PREP: variants seen among roughly 807,000 people sequenced by gnomAD.
PREP encodes the protein dJ355L5.1 (prolyl endopeptidase).
Under a neutral mutation model 87.6 loss-of-function variants are expected in PREP, and 29 were observed. The observed-to-expected ratio is 0.33, with a 90% CI of 0.25 to 0.45. The LOEUF is 0.45. PREP is among the 20% of genes least tolerant of loss of function. The pLI, the probability that PREP is intolerant of heterozygous loss-of-function variation, is 1.00. For synonymous variants in PREP, 337 were observed against 328.6 expected (o/e 1.03, Z -0.28); for missense variants, 695 against 886.5 (o/e 0.78, Z 2.74).
At chr6:105,372,371 T>C (rs1269975186) in intron 5 of PREP, among the ~76,000 whole-genome samples, 1 of 152,156 alleles carries the variant, frequency 6.6e-6, no homozygotes, top group East Asian at 1.9e-4. Flanking sequence ...CCCAAGCTCC[T>C]AATCTCTAAC....
chr6:105,277,877 T>G lies in PREP; in HGVS notation c.*267A>C. The G allele has an allele frequency of 2.0e-6, 1 of 498,240 alleles. No homozygotes were observed. The highest frequency in any genetic ancestry group is 3.6e-6 in the Non-Finnish European group (1 of 280,854). The allele number at this position is 498,240 out of a possible 1,614,324, so 30.9% of individuals were successfully genotyped here. On this transcript the variant is annotated 3_prime_UTR_variant, in exon 15 of 15. Coordinates refer to ENST00000652536, the MANE Select transcript of PREP (RefSeq NM_002726.5). ...AATATTCACAATGTGTTTGTTGCCA[T>G]TTAGCTATTTATCCCAACATGCCCT...
intron 6 of PREP, among the ~76,000 whole-genome samples, chr6:105,354,742 G>C (rs977511826): frequency 6.6e-6 from 1 of 152,000 alleles, no homozygotes; most frequent in Non-Finnish European, 1.5e-5. Flanking sequence ...GCAGGGTTAG[G>C]ACTTGCCAAG....
In PREP at chr6:105,293,852, C is replaced by T. The variant is rs919087934; in HGVS notation, c.1318-4958G>A. ...TGGAAGGAATCCATGTAGACATTTTCGAAACAGCCATTCAAAACAGCCTAG... is the reference window on the plus strand; with the variant it reads ...TGGAAGGAATCCATGTAGACATTTTTGAAACAGCCATTCAAAACAGCCTAG... On this transcript the variant is annotated intron_variant, in intron 10 of 14. Coordinates refer to ENST00000652536, the MANE Select transcript of PREP (RefSeq NM_002726.5). Among the ~76,000 whole-genome samples, 16 of 152,282 alleles carry T rather than the reference C, an allele frequency of 1.1e-4. No individual in the cohort carries two copies. The South Asian group carries it at 1.4e-3, about 14-fold the overall frequency.
At chr6:105,379,354 C>T (rs780825369) in intron 2 of PREP, among the ~76,000 whole-genome samples, 1 of 152,110 alleles carries the variant, frequency 6.6e-6, no homozygotes, top group Non-Finnish European at 1.5e-5. Flanking sequence ...CTGCACTTTC[C>T]CTCATTAAAA....
chr6:105,394,068 A>T (rs1340706783), intron 2 of PREP, among the ~76,000 whole-genome samples: 1 of 152,216 alleles, frequency 6.6e-6, no homozygotes, highest in Non-Finnish European at 1.5e-5. Context: ...GATATTGACC[A>T]ACTTTTCTTG....
chr6:105,402,445 C>CAA (rs1773460950), intron 1 of PREP, among the ~76,000 whole-genome samples: 1 of 150,908 alleles, frequency 6.6e-6, no homozygotes, highest in African/African-American at 2.4e-5. Context: ...CACACACACA[C>CAA]ACAAACACAC....
intron 10 of PREP, among the ~76,000 whole-genome samples, chr6:105,299,863 A>G (rs939006594): frequency 6.6e-6 from 1 of 151,476 alleles, no homozygotes; most frequent in Non-Finnish European, 1.5e-5. Context: ...GACAAATATC[A>G]TTCTGCCAGA....
At chr6:105,356,107 CTATT>C (rs374829623) in intron 6 of PREP, among the ~76,000 whole-genome samples, 1 of 151,950 alleles carries the variant, frequency 6.6e-6, no homozygotes, top group East Asian at 1.9e-4. Context: ...TTTTTAATAA[CTATT>C]TATTTTTTAA....
chr6:105,292,922 C>T (rs762714579), intron 10 of PREP, among the ~76,000 whole-genome samples: 3 of 152,188 alleles, frequency 2.0e-5, no homozygotes, highest in South Asian at 2.1e-4. Flanking sequence ...TCTGCAGCTT[C>T]GTCACCTCTC....
At chr6:105,340,466 A>G (rs1771613680) in intron 7 of PREP, among the ~76,000 whole-genome samples, 1 of 152,244 alleles carries the variant, frequency 6.6e-6, no homozygotes, top group Admixed American at 6.5e-5. Context: ...CATTGATATT[A>G]GGAAGAAACT....
intron 1 of PREP, among the ~76,000 whole-genome samples, chr6:105,399,000 G>A (rs1404095060): frequency 2.0e-5 from 3 of 151,882 alleles, no homozygotes; most frequent in Admixed American, 6.6e-5. Flanking sequence ...CCAGCTACTC[G>A]GGAGGCTAAG....
At chr6:105,282,356 C>T in intron 13 of PREP, 95 bp downstream of exon 13, 1 of 1,453,924 alleles carries the variant, frequency 6.9e-7, no homozygotes, top group Non-Finnish European at 9.3e-7. Context: ...GTGGTCCTAT[C>T]CACAAAGTTA....
intron 2 of PREP, among the ~76,000 whole-genome samples, chr6:105,386,682 T>A (rs932823556): frequency 4.6e-5 from 7 of 152,188 alleles, no homozygotes; most frequent in Non-Finnish European, 1.0e-4. Flanking sequence ...TTTAATCAAG[T>A]AATCTAAGTA....
chr6:105,398,051 C>T (rs1004753118), intron 1 of PREP, 124 bp from the exon 2 acceptor site: 7 of 722,520 alleles, frequency 9.7e-6, no homozygotes, highest in East Asian at 5.6e-5. Context: ...TCACTGGCAA[C>T]GTGTCTGCCC....
At chr6:105,341,627 T>C (rs1034841292) in intron 7 of PREP, among the ~76,000 whole-genome samples, 5 of 152,004 alleles carry the variant, frequency 3.3e-5, no homozygotes, top group South Asian at 2.1e-4. Flanking sequence ...ATCAACCAAA[T>C]TGATAGACCG....
intron 6 of PREP, among the ~76,000 whole-genome samples, chr6:105,354,729 C>T (rs763192179): frequency 6.6e-5 from 10 of 152,070 alleles, no homozygotes; most frequent in Non-Finnish European, 8.8e-5. Flanking sequence ...GTGGGCCTAC[C>T]CTGCAGGGTT....
intron 7 of PREP, among the ~76,000 whole-genome samples, chr6:105,337,919 C>T (rs532325646): frequency 6.6e-6 from 1 of 152,112 alleles, no homozygotes; most frequent in Non-Finnish European, 1.5e-5. Flanking sequence ...TATCCAGTGA[C>T]AAACTACTAA....
rs550641549 is a variant in PREP at position 105,362,226 on chromosome 6, C to T, written c.717+6677G>A. Among the ~76,000 whole-genome samples the T allele has an allele frequency of 6.8e-4, 103 of 152,198 alleles. 1 individual carries two copies. The highest frequency in any genetic ancestry group is 2.2e-3 in the African/African-American group (91 of 41,548). On this transcript the variant is annotated intron_variant, in intron 6 of 14. Transcript: ENST00000652536. ...CTGTAATCCCAGCACTTTGGGAGGC[C>T]GAGGCAGCCGAATCATTTGAGGTGA...
At chr6:105,319,927 T>C (rs1034053171) in intron 10 of PREP, among the ~76,000 whole-genome samples, 8 of 152,246 alleles carry the variant, frequency 5.3e-5, no homozygotes, top group African/African-American at 1.9e-4. Context: ...GGAATTTCTT[T>C]GTATTCAAAC....
Sources: allele counts gnomAD v4.1 joint callset (sites outside exome capture counted in the v4.1 genomes callset), GRCh38; gene constraint gnomAD v4.1.1; transcripts MANE v1.5; gene names NCBI Gene and HGNC (gene_info 2026-07-23, HGNC 2026-07-21).